FLT1: variants seen among roughly 807,000 people sequenced by gnomAD.
The protein encoded by FLT1 is vascular endothelial growth factor receptor 1.
A neutral mutation model predicts 156.3 loss-of-function variants in FLT1; 49 were observed. The ratio of observed to expected loss-of-function variants is 0.31; its 90% CI spans 0.25 to 0.40. The LOEUF (loss-of-function observed/expected upper bound fraction) is 0.40, where lower values mean the gene tolerates loss of function less well. Among genes scored for constraint, FLT1 ranks in the 10% least tolerant of loss-of-function variants. The pLI is 1.00. For missense variants in FLT1, 1,322 were observed against 1,637.2 expected, an observed-to-expected ratio of 0.81 and a Z score of 3.32; for synonymous variants, 594 against 583.8, an observed-to-expected ratio of 1.02 and a Z score of -0.25.
At chr13:28,342,956 C>CTCTT (rs58659062) in intron 16 of FLT1, among the ~76,000 whole-genome samples, 26,795 of 151,358 alleles carry the variant, frequency 0.18, 2,488 homozygotes, top group African/African-American at 0.23. Context: ...TTCTCTCTCT[C>CTCTT]TCTCTCTCTC....
At chr13:28,321,403 A>G in intron 23 of FLT1, 60 bp downstream of exon 23, 1 of 1,588,620 alleles carries the variant, frequency 6.3e-7, no homozygotes, top group Non-Finnish European at 8.6e-7. Context: ...ATATTTACCA[A>G]GTCTGTGGTT....
At chr13:28,304,680 G>A (rs1001143376) in intron 29 of FLT1, among the ~76,000 whole-genome samples, 9 of 152,242 alleles carry the variant, frequency 5.9e-5, no homozygotes, top group African/African-American at 2.2e-4. Flanking sequence ...CCTGTTAGCA[G>A]TCTTTCTTCC....
At chr13:28,309,670 C>T (rs1202956739) in intron 27 of FLT1, among the ~76,000 whole-genome samples, 3 of 149,750 alleles carry the variant, frequency 2.0e-5, no homozygotes, top group Non-Finnish European at 4.4e-5. Context: ...CACCCCCCCT[C>T]CCTCTCTCTA....
intron 14 of FLT1, among the ~76,000 whole-genome samples, chr13:28,371,588 C>A (rs1413258340): frequency 1.3e-5 from 2 of 152,050 alleles, no homozygotes; most frequent in African/African-American, 4.8e-5. Context: ...CCAAAGCACA[C>A]GAATAGTGAT....
At chr13:28,323,481 G>A (rs4769596) in intron 20 of FLT1, among the ~76,000 whole-genome samples, 13,568 of 151,908 alleles carry the variant, frequency 0.089, 802 homozygotes, top group South Asian at 0.12. Flanking sequence ...GAGAAACCCC[G>A]TCTCTACTGA....
intron 1 of FLT1, among the ~76,000 whole-genome samples, chr13:28,475,540 A>T (rs1471545103): frequency 1.3e-5 from 2 of 152,188 alleles, no homozygotes; most frequent in Non-Finnish European, 2.9e-5. Context: ...TTTCCTTAAG[A>T]TGTAGCTTAT....
chr13:28,462,583 T>C (rs528332311), intron 3 of FLT1, among the ~76,000 whole-genome samples: 13 of 152,340 alleles, frequency 8.5e-5, no homozygotes, highest in African/African-American at 1.2e-4. Flanking sequence ...TTTCCACTAT[T>C]ATGATTCAAA....
rs146432383 is a variant in FLT1 at position 28,494,922 on chromosome 13, C to G, written c.-79G>C. 4 of 1,167,454 alleles carry G rather than the reference C, an allele frequency of 3.4e-6. No homozygotes were observed. The highest frequency in any genetic ancestry group is 2.9e-5 in the Admixed American group (1 of 34,452). The allele number at this position is 1,167,454 out of a possible 1,614,324, so 72.3% of individuals were successfully genotyped here. On this transcript the variant is annotated 5_prime_UTR_variant, in exon 1 of 30. Coordinates refer to ENST00000282397, the MANE Select transcript of FLT1 (RefSeq NM_002019.4). ...ACCCGGCCGCCAGAGTCCGTCCTCT[C>G]GTTCGCCGCCGCCGGCCCCGCGCCC... is the stretch of plus-strand genomic sequence containing the variant.
intron 18 of FLT1, among the ~76,000 whole-genome samples, chr13:28,329,942 G>C (rs933641386): frequency 6.6e-6 from 1 of 152,238 alleles, no homozygotes; most frequent in Non-Finnish European, 1.5e-5. Context: ...CAGCACAGTA[G>C]TGGGGTTAGT....
intron 14 of FLT1, among the ~76,000 whole-genome samples, chr13:28,370,594 T>G (rs549596774): frequency 6.6e-6 from 1 of 152,256 alleles, no homozygotes; most frequent in Non-Finnish European, 1.5e-5. Context: ...AGCATCTTTG[T>G]GCGCTTTCAC....
intron 3 of FLT1, among the ~76,000 whole-genome samples, chr13:28,447,354 T>A (rs9505993): frequency 0.71 from 106,439 of 150,920 alleles, 38,200 homozygotes; most frequent in Non-Finnish European, 0.78. Flanking sequence ...AATTTTTTTT[T>A]AAAAATTTTT....
chr13:28,485,927 C>A (rs1460570229), intron 1 of FLT1, among the ~76,000 whole-genome samples: 1 of 152,172 alleles, frequency 6.6e-6, no homozygotes, highest in Non-Finnish European at 1.5e-5. Flanking sequence ...CAGGTGAGAC[C>A]CGAAGGGAAA....
intron 14 of FLT1, among the ~76,000 whole-genome samples, chr13:28,366,483 T>C (rs1873300138): frequency 6.6e-6 from 1 of 152,146 alleles, no homozygotes; most frequent in Non-Finnish European, 1.5e-5. Flanking sequence ...TTTTTTTTTT[T>C]TTCGAGATGG....
intron 11 of FLT1, among the ~76,000 whole-genome samples, chr13:28,397,642 C>G (rs1029403735): frequency 1.3e-5 from 2 of 151,866 alleles, no homozygotes; most frequent in Non-Finnish European, 2.9e-5. Context: ...CCGCTTTTGT[C>G]TCCCAAGTAG....
At chr13:28,411,255 T>C in intron 10 of FLT1, among the ~76,000 whole-genome samples, 1 of 151,478 alleles carries the variant, frequency 6.6e-6, no homozygotes, top group Non-Finnish European at 1.5e-5. Context: ...CATTTTATCA[T>C]TAAAAAAAAA....
intron 13 of FLT1, chr13:28,389,534 C>T (rs887856272): frequency 4.9e-6 from 7 of 1,430,530 alleles, no homozygotes; most frequent in East Asian, 2.5e-5. Context: ...CGGAGCAGCC[C>T]CCTCGGCCTG....
chr13:28,405,391 C>T (rs1333038082), intron 11 of FLT1, among the ~76,000 whole-genome samples: 3 of 152,192 alleles, frequency 2.0e-5, no homozygotes, highest in Non-Finnish European at 4.4e-5. Context: ...TTATGTACAT[C>T]AGTGATTCTC....
rs917165916 is a variant in FLT1, at chr13:28,488,959, G to A, written c.64+5821C>T. Among the ~76,000 whole-genome samples the A allele has an allele frequency of 4.6e-5, 7 of 152,298 alleles. No individual in the cohort carries two copies. In the East Asian group the frequency reaches 1.2e-3, roughly 25 times the overall value. Reference sequence around the variant, plus strand: ...GAGGACTCTGTTCTCTCTAAAAATTGTATAACACGCTGCAGGAAAAGGCTG... The same window carrying A: ...GAGGACTCTGTTCTCTCTAAAAATTATATAACACGCTGCAGGAAAAGGCTG... On this transcript the variant is annotated intron_variant, in intron 1 of 29. Coordinates refer to ENST00000282397, the MANE Select transcript of FLT1 (RefSeq NM_002019.4).
rs1871481201 is a variant in FLT1, at chr13:28,322,012, T to C, written c.3051+250A>G. Among the ~76,000 whole-genome samples the C allele has an allele frequency of 1.3e-5, 2 of 152,238 alleles. No individual in the cohort carries two copies. The highest frequency in any genetic ancestry group is 4.1e-4 in the South Asian group (2 of 4,834). On this transcript the variant is annotated intron_variant, in intron 22 of 29. Coordinates refer to ENST00000282397, the MANE Select transcript of FLT1 (RefSeq NM_002019.4). The surrounding 1 kb of genome is among the most constrained non-coding windows in gnomAD (Gnocchi z 4.3). The stretch of plus-strand genomic sequence containing the variant: ...TTTGAAAATATGCCAGAGGATACTG[T>C]GGAGAGCCGATGCCAGGTTTGTCTA...
Sources: gnomAD v4.1 joint callset for allele counts (sites outside exome capture counted in the v4.1 genomes callset) on GRCh38, gnomAD v4.1.1 for gene constraint, Gnocchi (gnomAD v3.1) non-coding constraint, MANE v1.5 for transcripts, NCBI Gene and HGNC (gene_info 2026-07-23, HGNC 2026-07-21) for gene names.